The following CEP68 variants were observed in gnomAD, a reference collection of about 807,000 sequenced individuals.
CEP68 encodes the protein centrosomal protein of 68 kDa.
A neutral mutation model predicts 55.3 loss-of-function variants in CEP68; 26 were observed. That is an observed-to-expected ratio of 0.47 (90% CI 0.34 to 0.65). The LOEUF is 0.65. Ranked by LOEUF, CEP68 falls within the 30% of genes least tolerant of loss-of-function variation. The probability of loss-of-function intolerance (pLI) is 0.01; values close to 1 mark genes in which losing one functional copy is unlikely to be tolerated. For missense variants in CEP68, 957 were observed against 946.7 expected (o/e 1.01, Z -0.14); for synonymous variants, 402 against 383.2 (o/e 1.05, Z -0.57).
chr2:65,065,156 T>C (rs1433948385), intron 1 of CEP68, among the ~76,000 whole-genome samples: 1 of 152,228 alleles, frequency 6.6e-6, no homozygotes, highest in Non-Finnish European at 1.5e-5. Context: ...TCACATGTGC[T>C]GGTGGAGTGT....
At chr2:65,057,640 A>G (rs997917406) in intron 1 of CEP68, among the ~76,000 whole-genome samples, 2 of 152,168 alleles carry the variant, frequency 1.3e-5, no homozygotes, top group African/African-American at 4.8e-5. Context: ...TGGAACATAA[A>G]AGGCACTCAA....
chr2:65,065,447 C>G (rs1168021781), intron 1 of CEP68, among the ~76,000 whole-genome samples: 2 of 152,202 alleles, frequency 1.3e-5, no homozygotes, highest in Non-Finnish European at 2.9e-5. Flanking sequence ...TAAGTCCTCA[C>G]TTGATGTCGT....
intron 1 of CEP68, among the ~76,000 whole-genome samples, chr2:65,058,632 G>A (rs990187178): frequency 1.7e-4 from 25 of 145,422 alleles, no homozygotes; most frequent in Non-Finnish European, 3.0e-4. Flanking sequence ...TCAGCCTTCC[G>A]AGTAGCTAGG....
At chr2:65,076,954 T>A (rs1676791906) in intron 4 of CEP68, among the ~76,000 whole-genome samples, 1 of 150,752 alleles carries the variant, frequency 6.6e-6, no homozygotes, top group African/African-American at 2.4e-5. Context: ...GTCACCAAGT[T>A]CTACACCTTG....
In CEP68 at chr2:65,080,639, G is replaced by A. The variant is rs138208777; in HGVS notation, c.2105-1897G>A. 224 of 669,900 alleles carry A rather than the reference G, an allele frequency of 3.3e-4. No individual in the cohort carries two copies. The African/African-American group carries it at 4.0e-3, about 12-fold the overall frequency. 41.5% of individuals were successfully genotyped at this position (669,900 alleles called of 1,614,324 possible). A position where few individuals can be genotyped will look rare whatever the true frequency, so the allele number is the denominator to read the frequency against. ...TCAAGACCAGCCTGGCCAACATGGC[G>A]AAACCCCATCTCTACTAAAAGTAAA... On this transcript the variant is annotated intron_variant, in intron 5 of 6. Coordinates refer to ENST00000377990, the MANE Select transcript of CEP68 (RefSeq NM_015147.3).
At chr2:65,074,463 A>T in intron 4 of CEP68, 59 bp downstream of exon 4, 1 of 1,611,986 alleles carries the variant, frequency 6.2e-7, no homozygotes, top group African/African-American at 1.3e-5. Flanking sequence ...AAATTACTCG[A>T]TTACAAAGTA....
chr2:65,076,497 T>C (rs1676761057), intron 4 of CEP68, among the ~76,000 whole-genome samples: 1 of 152,184 alleles, frequency 6.6e-6, no homozygotes, highest in African/African-American at 2.4e-5. Context: ...GCTAGCCCCT[T>C]GCCCGCACAG....
chr2:65,068,656 GTC>G (rs1558558790), intron 1 of CEP68, among the ~76,000 whole-genome samples: 2 of 152,066 alleles, frequency 1.3e-5, no homozygotes, highest in Non-Finnish European at 2.9e-5. Context: ...GTGAAACCCT[GTC>G]TCTACTAAAA....
chr2:65,069,493 A>C lies in CEP68; in HGVS notation c.49A>C (p.Lys17Gln), dbSNP rs1156453885. 6.5e-7 allele frequency: 1 copy of C among 1,538,992 alleles called. No homozygotes were observed. The highest frequency in any genetic ancestry group is 1.4e-5 in the African/African-American group (1 of 72,676). ...AGAAGCGGAAGCATCTGAAGACACA[A>C]AGGCCCAGTCCTATGGGAGAGGGAG... ...KAEAEASEDTKAQSYGRGSCR... is the reference protein window; with the variant it reads ...KAEAEASEDTQAQSYGRGSCR... The change falls in exon 2 of 7, where the codon AAG becomes CAG. Residue 17 changes from lysine to glutamine, a missense_variant. Lys to Gln is a moderately conservative substitution (Grantham distance 53, BLOSUM62 1). Transcript: ENST00000377990.
intron 2 of CEP68, chr2:65,071,063 T>A (rs1218556296): frequency 8.9e-6 from 2 of 223,492 alleles, no homozygotes; most frequent in African/African-American, 4.6e-5. Flanking sequence ...TGGGGCGACC[T>A]CCTGGGTTTG....
chr2:65,071,059 G>C, intron 2 of CEP68: 1 of 219,898 alleles, frequency 4.5e-6, no homozygotes, highest in Non-Finnish European at 9.1e-6. Context: ...GGTCTGGGGC[G>C]ACCTCCTGGG....
At chr2:65,067,140 T>C (rs1046426235) in intron 1 of CEP68, among the ~76,000 whole-genome samples, 1 of 151,084 alleles carries the variant, frequency 6.6e-6, no homozygotes, top group Non-Finnish European at 1.5e-5. Context: ...TCCCAGCACT[T>C]TGGGAGGTGG....
Position 65,072,041 on chromosome 2 carries a change from C to T in CEP68, c.945C>T (p.Leu315=). The T allele has an allele frequency of 1.9e-6, 3 of 1,613,734 alleles. No individual in the cohort carries two copies. The highest frequency in any genetic ancestry group is 1.7e-6 in the Non-Finnish European group (2 of 1,179,972). The change falls in exon 3 of 7, where the codon CTC becomes CTT. Residue 315 remains leucine, a synonymous_variant. Coordinates refer to ENST00000377990, the MANE Select transcript of CEP68 (RefSeq NM_015147.3). ...YTYPLRPGPQ[L]PKHLDSRVPA... Reference sequence around the variant, plus strand: ...ACCCACTGAGGCCCGGGCCTCAGCTCCCAAAGCACCTTGATAGCCGTGTGC... The same window carrying T: ...ACCCACTGAGGCCCGGGCCTCAGCTTCCAAAGCACCTTGATAGCCGTGTGC...
At chr2:65,070,415 GT>G (rs1676404643) in intron 2 of CEP68, among the ~76,000 whole-genome samples, 1 of 151,948 alleles carries the variant, frequency 6.6e-6, no homozygotes, top group East Asian at 1.9e-4. Flanking sequence ...TCATTGGGAG[GT>G]GACCGGAATG....
At chr2:65,066,150 T>G (rs544186497) in intron 1 of CEP68, among the ~76,000 whole-genome samples, 15 of 152,194 alleles carry the variant, frequency 9.9e-5, no homozygotes, top group African/African-American at 3.6e-4. Context: ...TCAGCCCCAT[T>G]CACCTAAGTA....
chr2:65,080,733 G>A (rs551024023), intron 5 of CEP68, among the ~76,000 whole-genome samples: 28 of 152,236 alleles, frequency 1.8e-4, no homozygotes, highest in African/African-American at 5.8e-4. Flanking sequence ...CAGGAGAGTC[G>A]CTTGAACCCG....
chr2:65,077,761 C>G (rs1364696978), intron 4 of CEP68, 107 bp from the exon 5 acceptor site: 4 of 714,218 alleles, frequency 5.6e-6, no homozygotes, highest in African/African-American at 3.6e-5. Flanking sequence ...GTGAATCTTA[C>G]ACATTAGAGG....
chr2:65,075,304 C>G (rs1676710921), intron 4 of CEP68: 1 of 151,058 alleles, frequency 6.6e-6, no homozygotes, highest in African/African-American at 2.4e-5. Flanking sequence ...GTGGCATGCA[C>G]TAGCAGGAGG....
At position 65,079,493 on chromosome 2, in the gene CEP68, G is replaced by C. The variant is rs149975180; in HGVS notation, c.2104+1529G>C. ...TTTTCAGCAGGTAAGTGATTCTCTA[G>C]TGTGAATTATATGAGCTCTTTGCAA... On this transcript the variant is annotated intron_variant, in intron 5 of 6. Coordinates refer to ENST00000377990, the MANE Select transcript of CEP68 (RefSeq NM_015147.3). 2.5e-3 allele frequency among the ~76,000 whole-genome samples: 379 copies of C among 152,324 alleles called. 1 individual carries two copies. The highest frequency in any genetic ancestry group is 4.1e-3 in the Non-Finnish European group (282 of 68,032).
Sources: allele counts gnomAD v4.1 joint callset (sites outside exome capture counted in the v4.1 genomes callset), GRCh38; gene constraint gnomAD v4.1.1; transcripts MANE v1.5; gene names NCBI Gene and HGNC (gene_info 2026-07-23, HGNC 2026-07-21).